Variants in TRDN observed in about 807,000 individuals in gnomAD.
TRDN encodes triadin, also known as triadin in skeletal muscle.
In TRDN, 161 loss-of-function variants were observed where a neutral mutation model predicts 149.7. The ratio of observed to expected loss-of-function variants is 1.08; its 90% CI spans 0.95 to 1.23. The LOEUF (loss-of-function observed/expected upper bound fraction) is 1.23, where lower values mean the gene tolerates loss of function less well. Among genes scored for constraint, TRDN ranks in the 50% most tolerant of loss-of-function variants. The probability of loss-of-function intolerance (pLI) is 0.00; values close to 1 mark genes in which losing one functional copy is unlikely to be tolerated. For missense variants in TRDN, 896 were observed against 823.5 expected, an observed-to-expected ratio of 1.09 and a Z score of -1.08; for synonymous variants, 294 against 250.5, an observed-to-expected ratio of 1.17 and a Z score of -1.64.
chr6:123,322,164 C>T (rs1779264994), intron 23 of TRDN, among the ~76,000 whole-genome samples: 1 of 152,136 alleles, frequency 6.6e-6, no homozygotes, highest in Admixed American at 6.6e-5. Flanking sequence ...ATCATCTTTG[C>T]TCATGAACTG....
At chr6:123,449,413 T>G (rs1360611031) in intron 10 of TRDN, among the ~76,000 whole-genome samples, 1 of 151,956 alleles carries the variant, frequency 6.6e-6, no homozygotes, top group Non-Finnish European at 1.5e-5. Flanking sequence ...CTTTTAGAAA[T>G]GTGAAATGCT....
At chr6:123,525,820 C>A (rs982627632) in intron 5 of TRDN, among the ~76,000 whole-genome samples, 1 of 152,022 alleles carries the variant, frequency 6.6e-6, no homozygotes, top group African/African-American at 2.4e-5. Context: ...TTTGACTCCA[C>A]GATGCTGTTT....
chr6:123,379,349 C>T (rs1467603521), intron 16 of TRDN, among the ~76,000 whole-genome samples: 1 of 152,148 alleles, frequency 6.6e-6, no homozygotes, highest in African/African-American at 2.4e-5. Context: ...AAACAAATGG[C>T]TTGGCCAAGT....
At chr6:123,262,313 A>G (rs770061877) in intron 33 of TRDN, among the ~76,000 whole-genome samples, 6 of 152,066 alleles carry the variant, frequency 3.9e-5, no homozygotes, top group Non-Finnish European at 7.4e-5. Flanking sequence ...TATTCAATAC[A>G]TCTAAACAAA....
chr6:123,461,320 T>C (rs1776435738), intron 10 of TRDN, among the ~76,000 whole-genome samples: 1 of 152,180 alleles, frequency 6.6e-6, no homozygotes, highest in Non-Finnish European at 1.5e-5. Flanking sequence ...ATTTATAATA[T>C]TATTTATAAT....
intron 12 of TRDN, among the ~76,000 whole-genome samples, chr6:123,410,164 T>A (rs1211159430): frequency 6.6e-6 from 1 of 152,168 alleles, no homozygotes; most frequent in Admixed American, 6.5e-5. Flanking sequence ...TGATGCAGAA[T>A]ATTTGGTGTA....
At chr6:123,491,181 G>T (rs1778203699) in intron 9 of TRDN, among the ~76,000 whole-genome samples, 1 of 151,746 alleles carries the variant, frequency 6.6e-6, no homozygotes, top group African/African-American at 2.4e-5. Context: ...ATTATGAAAT[G>T]AAGATGACAT....
At chr6:123,402,864 CTGTT>C (rs1479689381) in intron 12 of TRDN, among the ~76,000 whole-genome samples, 13 of 152,072 alleles carry the variant, frequency 8.5e-5, no homozygotes, top group Admixed American at 2.0e-4. Context: ...GGAAAGAAGG[CTGTT>C]TGTTCAAATA....
At chr6:123,378,453 AGTGTGTGTGTGTGTGT>A (rs59816098) in intron 16 of TRDN, among the ~76,000 whole-genome samples, 21 of 136,380 alleles carry the variant, frequency 1.5e-4, no homozygotes, top group East Asian at 9.1e-4. Context: ...CCAGATTTGT[AGTGTGTGTGTGTGTGT>A]GTGTGTGTGT....
chr6:123,510,721 G>A (rs1393134956), intron 7 of TRDN, among the ~76,000 whole-genome samples: 1 of 150,066 alleles, frequency 6.7e-6, no homozygotes, highest in Non-Finnish European at 1.5e-5. Context: ...TCAGCTCACT[G>A]CAACCTCTGC....
chr6:123,252,434 T>C lies in TRDN; in HGVS notation c.1953A>G (p.Ala651=). The C allele has an allele frequency of 6.6e-7, 1 of 1,516,664 alleles. No individual in the cohort carries two copies. The highest frequency in any genetic ancestry group is 9.0e-7 in the Non-Finnish European group (1 of 1,111,190). 94.0% of individuals were successfully genotyped at this position (1,516,664 alleles called of 1,614,324 possible). The change falls in exon 38 of 41, where the codon GCA becomes GCG. Residue 651 remains alanine (A), a splice_region_variant and synonymous_variant. Transcript: ENST00000334268. ...ESLQLHNVTK[A]EKPARVSKDV... ...TACTTGATACTCTTGCAGGTTTTTCTGCTAAAAAGAGAAAATAAATAAGTT... is the reference window on the plus strand; with the variant it reads ...TACTTGATACTCTTGCAGGTTTTTCCGCTAAAAAGAGAAAATAAATAAGTT...
At chr6:123,455,937 G>C (rs964670276) in intron 10 of TRDN, among the ~76,000 whole-genome samples, 1 of 152,058 alleles carries the variant, frequency 6.6e-6, no homozygotes. Flanking sequence ...TGTCAAGGAT[G>C]CCTAGAAACG....
chr6:123,627,303 T>C (rs1253026436), intron 1 of TRDN, among the ~76,000 whole-genome samples: 1 of 152,174 alleles, frequency 6.6e-6, no homozygotes, highest in Non-Finnish European at 1.5e-5. Flanking sequence ...AAAATGATCT[T>C]CTGTTAGGCA....
chr6:123,349,398 C>G (rs1461030468), intron 21 of TRDN: 2 of 450,176 alleles, frequency 4.4e-6, no homozygotes, highest in East Asian at 3.1e-4. Context: ...CAGCGCCTGG[C>G]CAGTTGTGGG....
At chr6:123,451,693 T>G (rs1427380361) in intron 10 of TRDN, among the ~76,000 whole-genome samples, 1 of 152,056 alleles carries the variant, frequency 6.6e-6, no homozygotes, top group Admixed American at 6.5e-5. Flanking sequence ...TGCCAATACT[T>G]TTGACACTAT....
chr6:123,282,627 T>C (rs1017375365), intron 24 of TRDN, among the ~76,000 whole-genome samples: 1 of 151,786 alleles, frequency 6.6e-6, no homozygotes, highest in Non-Finnish European at 1.5e-5. Context: ...ATTGTAAAAG[T>C]AGAAAAAAGT....
Position 123,571,008 on chromosome 6 carries a change from G to T in TRDN, c.147C>A (p.Ala49=), listed in dbSNP as rs1554258804. 6.2e-7 allele frequency: 1 copy of T among 1,613,990 alleles called. No individual in the cohort carries two copies. Among genetic ancestry groups the T allele is most frequent in the Admixed American group, 1.7e-5 (1 of 60,024 alleles). ...DIVTTFSSPA[A]WLLVIALIIT... is the part of the protein sequence containing the mutation. ...TTATCAGGGCAATGACCAGAAGCCA[G>T]GCTGCAGGGGAGCTGAACGTCGTCA... The change falls in exon 2 of 41, where the codon GCC becomes GCA. Residue 49 remains alanine, a synonymous_variant. Coordinates refer to ENST00000334268, the MANE Select transcript of TRDN (RefSeq NM_006073.4).
rs551265363 is a variant in TRDN, at chr6:123,634,396, A to G, written c.22+2358T>C. Reference sequence around the variant, plus strand: ...TTTGAGACTGCAGTGAGCTATGATCATGCCACTGCATTCCAATATGGGTGA... The same window carrying G: ...TTTGAGACTGCAGTGAGCTATGATCGTGCCACTGCATTCCAATATGGGTGA... On this transcript the variant is annotated intron_variant, in intron 1 of 40. Coordinates refer to ENST00000334268, the MANE Select transcript of TRDN (RefSeq NM_006073.4). Among the ~76,000 whole-genome samples the G allele has an allele frequency of 7.2e-5, 11 of 152,078 alleles. No individual in the cohort carries two copies. In the East Asian group the frequency reaches 2.1e-3, roughly 30 times the overall value.
At chr6:123,335,022 G>A (rs914859137) in intron 22 of TRDN, among the ~76,000 whole-genome samples, 7 of 152,074 alleles carry the variant, frequency 4.6e-5, no homozygotes, top group Non-Finnish European at 7.4e-5. Flanking sequence ...TGAAATTGCT[G>A]CATTCTGATT....
Sources: allele counts gnomAD v4.1 joint callset (sites outside exome capture counted in the v4.1 genomes callset), GRCh38; gene constraint gnomAD v4.1.1; transcripts MANE v1.5; gene names NCBI Gene and HGNC (gene_info 2026-07-23, HGNC 2026-07-21).